Variants in TSPEAR observed in about 807,000 individuals in gnomAD.
TSPEAR encodes thrombospondin-type laminin G domain and EAR repeat-containing protein.
TSPEAR carries 69 observed loss-of-function variants against 71.6 expected under a neutral mutation model. The observed-to-expected ratio is 0.96, with a 90% confidence interval of 0.79 to 1.18. The LOEUF is 1.18. Ranked by LOEUF, TSPEAR falls within the 50% of genes most tolerant of loss-of-function variation. The pLI is 0.00. For synonymous variants in TSPEAR, 402 were observed against 387.2 expected (o/e 1.04, Z -0.45); for missense variants, 971 against 894.9 (o/e 1.09, Z -1.09).
intron 1 of TSPEAR, among the ~76,000 whole-genome samples, chr21:44,643,010 A>G (rs1984104506): frequency 6.6e-6 from 1 of 152,216 alleles, no homozygotes; most frequent in African/African-American, 2.4e-5. Context: ...GAAGCAACAT[A>G]AGTGATCATC....
chr21:44,543,284 A>C (rs2053251577), intron 2 of TSPEAR, among the ~76,000 whole-genome samples: 1 of 152,262 alleles, frequency 6.6e-6, no homozygotes, highest in African/African-American at 2.4e-5. Flanking sequence ...TATGGAAATA[A>C]AATACATGGC....
intron 2 of TSPEAR, chr21:44,558,790 T>A: frequency 2.6e-6 from 4 of 1,527,348 alleles, no homozygotes; most frequent in African/African-American, 1.4e-5. Flanking sequence ...AGTGAGTGAG[T>A]GATCGTGCCA....
intron 1 of TSPEAR, chr21:44,676,203 T>A: frequency 7.7e-7 from 1 of 1,296,216 alleles, no homozygotes. Flanking sequence ...AATCAATCAT[T>A]GCTACCCTTC....
chr21:44,522,040 G>A lies in TSPEAR; in HGVS notation c.1409C>T (p.Thr470Ile). Reference protein sequence around the residue: ...PATRLFEANQTIATSGAYDWE... With the variant: ...PATRLFEANQIIATSGAYDWE... ...GTCGTAGGCGCCGGAGGTGGCGATG[G>A]TCTGGTTGGCCTCGAAGAGCCGGGT... Residue 470 changes from threonine (T) to isoleucine (I), a missense_variant, in exon 9 of 12, where the codon ACC (threonine) becomes ATC (isoleucine). By Grantham distance (89) the Thr-to-Ile change is moderately conservative. Coordinates refer to ENST00000323084, the MANE Select transcript of TSPEAR (RefSeq NM_144991.3). The A allele has an allele frequency of 6.2e-7, 1 of 1,614,190 alleles. No homozygotes were observed. The highest frequency in any genetic ancestry group is 8.5e-7 in the Non-Finnish European group (1 of 1,180,020).
chr21:44,585,116 T>C (rs75079416), intron 1 of TSPEAR, among the ~76,000 whole-genome samples: 1,710 of 152,314 alleles, frequency 0.011, 32 homozygotes, highest in African/African-American at 0.039. Flanking sequence ...CTCCTTCTTG[T>C]TAGAGATTGT....
At chr21:44,628,008 G>C in intron 1 of TSPEAR, 3 of 1,613,618 alleles carry the variant, frequency 1.9e-6, no homozygotes, top group East Asian at 2.2e-5. Flanking sequence ...GCTCCCGCCC[G>C]GCCTGCTACA....
At chr21:44,622,054 T>C (rs1426151728) in intron 1 of TSPEAR, among the ~76,000 whole-genome samples, 1 of 152,162 alleles carries the variant, frequency 6.6e-6, no homozygotes, top group African/African-American at 2.4e-5. Flanking sequence ...TTTTGCCATA[T>C]AACATAAGAC....
chr21:44,579,597 C>G (rs368206156), intron 1 of TSPEAR: 6 of 868,478 alleles, frequency 6.9e-6, no homozygotes, highest in Non-Finnish European at 1.0e-5. Context: ...GAGGCAGGAG[C>G]TGGGGAGCTT....
At chr21:44,708,340 T>C (rs1988047379) in intron 1 of TSPEAR, among the ~76,000 whole-genome samples, 1 of 151,966 alleles carries the variant, frequency 6.6e-6, no homozygotes, top group Admixed American at 6.5e-5. Flanking sequence ...AGAGAAGGTG[T>C]CGCTGGCACA....
intron 1 of TSPEAR, among the ~76,000 whole-genome samples, chr21:44,689,710 TG>T (rs370970820): frequency 0.3 from 22,330 of 74,314 alleles, 4,963 homozygotes; most frequent in Middle Eastern, 0.41. Flanking sequence ...CAGAATAGAA[TG>T]AATATATATA....
chr21:44,544,097 G>A (rs1270756536), intron 2 of TSPEAR, among the ~76,000 whole-genome samples: 3 of 152,206 alleles, frequency 2.0e-5, no homozygotes, highest in African/African-American at 7.2e-5. Context: ...AGTCAACACA[G>A]CTGTATAGGG....
intron 1 of TSPEAR, among the ~76,000 whole-genome samples, chr21:44,635,624 G>C (rs139306797): frequency 3.7e-3 from 556 of 152,244 alleles, no homozygotes; most frequent in Non-Finnish European, 5.7e-3. Flanking sequence ...CAAATCCATA[G>C]AGACAAGCAG....
At chr21:44,536,477 C>T (rs1417337278) in intron 2 of TSPEAR, among the ~76,000 whole-genome samples, 3 of 152,214 alleles carry the variant, frequency 2.0e-5, no homozygotes, top group African/African-American at 7.2e-5. Flanking sequence ...CCACTCCTCC[C>T]TCTCAAAACA....
chr21:44,532,852 C>A (rs1041893248), intron 3 of TSPEAR, among the ~76,000 whole-genome samples: 1 of 152,184 alleles, frequency 6.6e-6, no homozygotes. Flanking sequence ...GTGTCCAAGG[C>A]TACAAAGGAT....
At chr21:44,513,940 A>T (rs371838375) in intron 9 of TSPEAR, among the ~76,000 whole-genome samples, 3 of 151,740 alleles carry the variant, frequency 2.0e-5, no homozygotes, top group African/African-American at 7.3e-5. Flanking sequence ...ATGACAGGTG[A>T]CTCCCTTGAG....
At chr21:44,627,609 C>T (rs782448109) in intron 1 of TSPEAR, 1 of 1,612,888 alleles carries the variant, frequency 6.2e-7, no homozygotes, top group East Asian at 2.2e-5. Context: ...CCGTCTGCTG[C>T]AAACCTGTGT....
chr21:44,572,083 C>A (rs1412059560), intron 1 of TSPEAR, among the ~76,000 whole-genome samples: 1 of 152,196 alleles, frequency 6.6e-6, no homozygotes, highest in African/African-American at 2.4e-5. Flanking sequence ...ACCTCCATGC[C>A]CCACGCACAC....
At chr21:44,627,495 G>A (rs782706929) in intron 1 of TSPEAR, 3 of 1,531,786 alleles carry the variant, frequency 2.0e-6, no homozygotes, top group Admixed American at 4.3e-5. Flanking sequence ...GCAAGCCTGT[G>A]TGCTGCGTGC....
intron 1 of TSPEAR, chr21:44,600,602 C>A: frequency 6.2e-7 from 1 of 1,605,996 alleles, no homozygotes; most frequent in Non-Finnish European, 8.5e-7. Context: ...ACTCCCATCT[C>A]CTCCAGTTCA....
Sources: gnomAD v4.1 joint callset for allele counts (sites outside exome capture counted in the v4.1 genomes callset) on GRCh38, gnomAD v4.1.1 for gene constraint, MANE v1.5 for transcripts, NCBI Gene and HGNC (gene_info 2026-07-23, HGNC 2026-07-21) for gene names.